The following SORCS2 variants were observed in gnomAD, a reference collection of about 807,000 sequenced individuals.
SORCS2 encodes sortilin related VPS10 domain containing receptor 2.
A neutral mutation model predicts 141.6 loss-of-function variants in SORCS2; 100 were observed. That is an observed-to-expected ratio of 0.71 (90% CI 0.60 to 0.83). SORCS2 has a LOEUF of 0.83. SORCS2 is among the 40% of genes least tolerant of loss of function. The probability of loss-of-function intolerance (pLI) is 0.00; values close to 1 mark genes in which losing one functional copy is unlikely to be tolerated. For synonymous variants in SORCS2, 789 were observed against 676.9 expected, an observed-to-expected ratio of 1.17 and a Z score of -2.57; for missense variants, 1,646 against 1,560.2, an observed-to-expected ratio of 1.05 and a Z score of -0.93.
chr4:7,330,539 G>A lies in SORCS2; in HGVS notation c.481-65749G>A, dbSNP rs141938115. On this transcript the variant is annotated intron_variant, in intron 1 of 26. Coordinates refer to ENST00000507866, the MANE Select transcript of SORCS2 (RefSeq NM_020777.3). The stretch of plus-strand genomic sequence containing the variant: ...GAGTCTGTGTCACCCTGGGGCTTGT[G>A]GCTGGGGCGAGTCCTCAGCTCTCCT... Among the ~76,000 whole-genome samples, 266 of 151,658 alleles carry A rather than the reference G, an allele frequency of 1.8e-3. 3 individuals are homozygous for A. The highest frequency in any genetic ancestry group is 6.2e-3 in the African/African-American group (258 of 41,384).
At chr4:7,710,784 A>C (rs1384826280) in intron 14 of SORCS2, among the ~76,000 whole-genome samples, 1 of 152,348 alleles carries the variant, frequency 6.6e-6, no homozygotes, top group East Asian at 1.9e-4. Flanking sequence ...CGGACGCGGC[A>C]GAGTCACAGC....
chr4:7,685,514 T>A (rs574605788), intron 10 of SORCS2, among the ~76,000 whole-genome samples: 46 of 152,104 alleles, frequency 3.0e-4, no homozygotes, highest in African/African-American at 1.1e-3. Flanking sequence ...CTACTAAAAA[T>A]ACAAAAATTA....
At chr4:7,529,265 GC>G (rs1485975214) in intron 2 of SORCS2, among the ~76,000 whole-genome samples, 1 of 152,026 alleles carries the variant, frequency 6.6e-6, no homozygotes, top group Non-Finnish European at 1.5e-5. Context: ...CAACCCAGCG[GC>G]CCCACCACCC....
chr4:7,366,887 C>G (rs1319056615), intron 1 of SORCS2, among the ~76,000 whole-genome samples: 1 of 152,222 alleles, frequency 6.6e-6, no homozygotes, highest in Non-Finnish European at 1.5e-5. Context: ...GAAGGCATTC[C>G]TTTGCTCCTT....
chr4:7,561,362 G>A (rs1714537345), intron 3 of SORCS2, among the ~76,000 whole-genome samples: 1 of 149,524 alleles, frequency 6.7e-6, no homozygotes, highest in African/African-American at 2.5e-5. Flanking sequence ...CTAGCCTGGG[G>A]AGCTCCTGAA....
intron 1 of SORCS2, among the ~76,000 whole-genome samples, chr4:7,252,218 A>T (rs1162975383): frequency 6.6e-6 from 1 of 152,192 alleles, no homozygotes; most frequent in Non-Finnish European, 1.5e-5. Flanking sequence ...GGCCCGAGGC[A>T]GGAGAGTGGG....
intron 8 of SORCS2, among the ~76,000 whole-genome samples, chr4:7,672,598 G>A (rs1722864249): frequency 6.6e-6 from 1 of 152,138 alleles, no homozygotes; most frequent in Non-Finnish European, 1.5e-5. Flanking sequence ...CTATGTATAT[G>A]TGTAGATACC....
chr4:7,451,939 G>T (rs1052675627), intron 2 of SORCS2, among the ~76,000 whole-genome samples: 9 of 152,198 alleles, frequency 5.9e-5, no homozygotes, highest in Non-Finnish European at 1.2e-4. Context: ...CCCCTGAGGT[G>T]CTTGCGCGAG....
At chr4:7,355,395 C>G (rs558136888) in intron 1 of SORCS2, among the ~76,000 whole-genome samples, 80 of 152,322 alleles carry the variant, frequency 5.3e-4, no homozygotes, top group African/African-American at 1.9e-3. Context: ...TCAGAAGAGG[C>G]TAACTGCTAC....
intron 2 of SORCS2, among the ~76,000 whole-genome samples, chr4:7,418,837 G>A (rs912701588): frequency 1.2e-4 from 18 of 152,142 alleles, no homozygotes; most frequent in Non-Finnish European, 2.2e-4. Flanking sequence ...TACATCTGTA[G>A]TAAGCAGCCA....
At chr4:7,623,629 C>G (rs1203035128) in intron 3 of SORCS2, among the ~76,000 whole-genome samples, 1 of 152,188 alleles carries the variant, frequency 6.6e-6, no homozygotes, top group Non-Finnish European at 1.5e-5. Context: ...CTCCTCCTCC[C>G]CATCCCACGG....
chr4:7,605,696 G>T (rs1054695710), intron 3 of SORCS2, among the ~76,000 whole-genome samples: 9 of 152,226 alleles, frequency 5.9e-5, no homozygotes, highest in African/African-American at 2.2e-4. Flanking sequence ...GATGTTTTGG[G>T]ATCCCTTGCT....
chr4:7,516,393 C>G (rs1412273384), intron 2 of SORCS2, among the ~76,000 whole-genome samples: 1 of 152,178 alleles, frequency 6.6e-6, no homozygotes, highest in Non-Finnish European at 1.5e-5. Context: ...TTGTTAGGGG[C>G]TCTGGCTTCA....
intron 1 of SORCS2, among the ~76,000 whole-genome samples, chr4:7,303,100 G>A (rs1359598283): frequency 2.0e-5 from 3 of 152,158 alleles, no homozygotes; most frequent in African/African-American, 4.8e-5. Flanking sequence ...GAGCTCAGAC[G>A]AGGTAATAAA....
intron 1 of SORCS2, among the ~76,000 whole-genome samples, chr4:7,217,036 G>T (rs527592578): frequency 6.6e-6 from 1 of 152,170 alleles, no homozygotes; most frequent in South Asian, 2.1e-4. Flanking sequence ...CTACAGCTGC[G>T]CTCCTTTGGA....
Position 7,655,653 on chromosome 4 carries a change from C to T in SORCS2, c.887+1446C>T, listed in dbSNP as rs77953448. 7.9e-3 allele frequency among the ~76,000 whole-genome samples: 1,197 copies of T among 152,326 alleles called. 38 individuals are homozygous for T. The highest frequency in any genetic ancestry group is 0.056 in the East Asian group (288 of 5,160). On this transcript the variant is annotated intron_variant, in intron 5 of 26. Coordinates refer to ENST00000507866, the MANE Select transcript of SORCS2 (RefSeq NM_020777.3). ...TCTGCGGATTGCCCACGGGAGGGCC[C>T]GGTTCCTCCCTCGGAAACCAGAGCA...
intron 1 of SORCS2, among the ~76,000 whole-genome samples, chr4:7,354,986 A>G (rs1264818957): frequency 6.6e-6 from 1 of 152,170 alleles, no homozygotes; most frequent in East Asian, 1.9e-4. Flanking sequence ...GTTTCCAAAC[A>G]GTATCAAGTG....
At chr4:7,602,652 A>G (rs1028501924) in intron 3 of SORCS2, among the ~76,000 whole-genome samples, 3 of 145,008 alleles carry the variant, frequency 2.1e-5, no homozygotes, top group Admixed American at 2.0e-4. Context: ...ACTGCCGGGA[A>G]GAGGCACTCC....
chr4:7,369,634 G>T (rs531202197), intron 1 of SORCS2, among the ~76,000 whole-genome samples: 64 of 152,326 alleles, frequency 4.2e-4, no homozygotes, highest in African/African-American at 1.4e-3. Flanking sequence ...GACACAGCAG[G>T]ACTCGGGGAG....
Sources: gnomAD v4.1 joint callset for allele counts (sites outside exome capture counted in the v4.1 genomes callset) on GRCh38, gnomAD v4.1.1 for gene constraint, MANE v1.5 for transcripts, NCBI Gene and HGNC (gene_info 2026-07-23, HGNC 2026-07-21) for gene names.